The following NDUFAF6 variants were observed in gnomAD, a reference collection of about 807,000 sequenced individuals.
NDUFAF6 encodes NADH dehydrogenase (ubiquinone) complex I, assembly factor 6.
In NDUFAF6, 45 loss-of-function variants were observed where a neutral mutation model predicts 40.8. The ratio of observed to expected loss-of-function variants is 1.10; its 90% CI spans 0.87 to 1.42. The LOEUF (loss-of-function observed/expected upper bound fraction) is 1.42, where lower values mean the gene tolerates loss of function less well. Ranked by LOEUF, NDUFAF6 falls within the 40% of genes most tolerant of loss-of-function variation. The pLI is 0.00. For missense variants in NDUFAF6, 435 were observed against 418.5 expected, an observed-to-expected ratio of 1.04 and a Z score of -0.34; for synonymous variants, 185 against 155.9, an observed-to-expected ratio of 1.19 and a Z score of -1.39.
chr8:94,913,687 T>C (rs1196466327), intron 1 of NDUFAF6, among the ~76,000 whole-genome samples: 1 of 152,208 alleles, frequency 6.6e-6, no homozygotes, highest in African/African-American at 2.4e-5. Context: ...TAGTCCCAGC[T>C]ACTCGGGAGG....
At chr8:95,090,656 C>G (rs1185835888) in intron 2 of NDUFAF6, among the ~76,000 whole-genome samples, 1 of 152,146 alleles carries the variant, frequency 6.6e-6, no homozygotes, top group Non-Finnish European at 1.5e-5. Flanking sequence ...TACTGAGTGT[C>G]AGTCAACTTG....
chr8:95,092,276 G>C (rs1038805205), intron 2 of NDUFAF6, among the ~76,000 whole-genome samples: 3 of 150,722 alleles, frequency 2.0e-5, no homozygotes, highest in African/African-American at 7.4e-5. Flanking sequence ...CCGCATCCCA[G>C]GTTCAAGTGA....
intron 1 of NDUFAF6, among the ~76,000 whole-genome samples, chr8:94,963,656 C>G (rs898360397): frequency 6.6e-6 from 1 of 152,192 alleles, no homozygotes; most frequent in Non-Finnish European, 1.5e-5. Context: ...ATTCCAAAAC[C>G]CAAGCTGCCT....
At chr8:94,990,120 C>G (rs1322478871) in intron 2 of NDUFAF6, among the ~76,000 whole-genome samples, 1 of 152,202 alleles carries the variant, frequency 6.6e-6, no homozygotes, top group South Asian at 2.1e-4. Context: ...AAGGGTTGGC[C>G]TCCAGAACAA....
At chr8:94,991,625 T>A (rs1425711456) in intron 2 of NDUFAF6, among the ~76,000 whole-genome samples, 1 of 152,228 alleles carries the variant, frequency 6.6e-6, no homozygotes, top group Non-Finnish European at 1.5e-5. Flanking sequence ...ATTTTGTTTC[T>A]TATCATTCCA....
Position 95,045,564 on chromosome 8 carries a change from A to G in NDUFAF6, c.497A>G (p.Lys166Arg). ...ATGTAGGAAAAAAATCTGGATGACAAAGCATATCGTAATATCAAGGAACTG... is the reference window on the plus strand; with the variant it reads ...ATGTAGGAAAAAAATCTGGATGACAGAGCATATCGTAATATCAAGGAACTG... ...VDEREKNLDD[K>R]AYRNIKELEN... The change falls in exon 5 of 9, where the codon AAA (lysine) becomes AGA (arginine). Residue 166 changes from lysine to arginine, a missense_variant. Physicochemically the swap from Lys to Arg is conservative, Grantham distance 26. Coordinates refer to ENST00000396124, the MANE Select transcript of NDUFAF6 (RefSeq NM_152416.4). The G allele has an allele frequency of 1.2e-6, 2 of 1,613,276 alleles. No individual in the cohort carries two copies. The highest frequency in any genetic ancestry group is 1.7e-6 in the Non-Finnish European group (2 of 1,179,464).
intron 1 of NDUFAF6, among the ~76,000 whole-genome samples, chr8:95,028,648 CT>C (rs954246594): frequency 6.6e-6 from 1 of 151,818 alleles, no homozygotes; most frequent in Non-Finnish European, 1.5e-5. Flanking sequence ...TCACATACTG[CT>C]TTTTTTTAGA....
chr8:95,116,067 G>A (rs541758578), intron 5 of NDUFAF6, among the ~76,000 whole-genome samples: 1 of 152,190 alleles, frequency 6.6e-6, no homozygotes, highest in South Asian at 2.1e-4. Flanking sequence ...GAACCGGGGA[G>A]GCGGAGGTTG....
At chr8:95,039,167 T>A (rs548710619) in intron 3 of NDUFAF6, among the ~76,000 whole-genome samples, 1 of 150,368 alleles carries the variant, frequency 6.7e-6, no homozygotes, top group Non-Finnish European at 1.5e-5. Context: ...AGAAATGGGG[T>A]TTCGTGGCCA....
At chr8:94,950,813 T>A (rs1366595099) in intron 2 of NDUFAF6, 1 of 152,212 alleles carries the variant, frequency 6.6e-6, no homozygotes, top group Non-Finnish European at 1.5e-5. Context: ...AACCAAGGTA[T>A]GATGACAATT....
intron 4 of NDUFAF6, among the ~76,000 whole-genome samples, chr8:95,109,574 TTAGA>T (rs1428986832): frequency 2.8e-4 from 12 of 42,470 alleles, no homozygotes; most frequent in South Asian, 5.0e-3. Flanking sequence ...AGATGTAGCG[TTAGA>T]TAGATAGATA....
intron 1 of NDUFAF6, among the ~76,000 whole-genome samples, chr8:94,934,843 T>G (rs777450072): frequency 1.2e-4 from 19 of 152,192 alleles, no homozygotes; most frequent in Non-Finnish European, 1.8e-4. Context: ...CACCTCTTAA[T>G]AAACTTGTAG....
At chr8:95,009,486 G>A (rs1158783884) in intron 2 of NDUFAF6, among the ~76,000 whole-genome samples, 1 of 152,198 alleles carries the variant, frequency 6.6e-6, no homozygotes, top group Non-Finnish European at 1.5e-5. Flanking sequence ...ACCAGATATA[G>A]TTGGATTTAG....
intron 5 of NDUFAF6, among the ~76,000 whole-genome samples, chr8:95,115,964 C>T (rs1229326337): frequency 6.6e-6 from 1 of 152,126 alleles, no homozygotes; most frequent in Non-Finnish European, 1.5e-5. Context: ...ATGGTGAAAA[C>T]CCGTCTCTAC....
rs200986634 is a variant in NDUFAF6 at position 95,057,831 on chromosome 8, A to C, written c.896A>C (p.Lys299Thr). The change falls in exon 9 of 9, where the codon AAG becomes ACG. Residue 299 changes from lysine to threonine, a missense_variant. Transcript: ENST00000396124. ...LQTVSLEDFL[K>T]KIQRVDFDIF... ...CAGGTTTCTCTAGAGGACTTTCTAA[A>C]GAAAATTCAGCGAGTGGATTTTGAT... 1.1e-4 allele frequency: 173 copies of C among 1,612,734 alleles called. 1 individual carries two copies. Among genetic ancestry groups the C allele is most frequent in the Non-Finnish European group, 1.4e-4 (167 of 1,178,980 alleles).
At chr8:94,935,142 TAGATAG>T (rs1563725731) in intron 1 of NDUFAF6, among the ~76,000 whole-genome samples, 20 of 151,440 alleles carry the variant, frequency 1.3e-4, no homozygotes, top group African/African-American at 4.9e-4. Flanking sequence ...GATAGATAGA[TAGATAG>T]ATAGATAGAT....
At chr8:94,979,457 A>G (rs1469945855) in intron 1 of NDUFAF6, among the ~76,000 whole-genome samples, 9 of 151,878 alleles carry the variant, frequency 5.9e-5, no homozygotes, top group Admixed American at 5.9e-4. Flanking sequence ...TCTCTTTTCC[A>G]TCCTTCCTTC....
intron 2 of NDUFAF6, among the ~76,000 whole-genome samples, chr8:95,092,900 G>A (rs1809311688): frequency 6.6e-6 from 1 of 152,130 alleles, no homozygotes; most frequent in Non-Finnish European, 1.5e-5. Context: ...GCCTTTTAAG[G>A]GCAATACAAA....
intron 2 of NDUFAF6, among the ~76,000 whole-genome samples, chr8:94,947,900 T>C (rs1260768884): frequency 6.6e-6 from 1 of 152,236 alleles, no homozygotes; most frequent in Non-Finnish European, 1.5e-5. Context: ...TTACACTGAT[T>C]GCGACTTAAA....
Sources: allele counts gnomAD v4.1 joint callset (sites outside exome capture counted in the v4.1 genomes callset), GRCh38; gene constraint gnomAD v4.1.1; transcripts MANE v1.5; gene names NCBI Gene and HGNC (gene_info 2026-07-23, HGNC 2026-07-21).